TPO: variants seen among roughly 807,000 people sequenced by gnomAD.
TPO encodes the protein thyroid peroxidase, also known as thyroid microsomal antigen.
A neutral mutation model predicts 96.9 loss-of-function variants in TPO; 78 were observed. The ratio of observed to expected loss-of-function variants is 0.81; its 90% CI spans 0.67 to 0.97. The LOEUF (loss-of-function observed/expected upper bound fraction) is 0.97, where lower values mean the gene tolerates loss of function less well. Among genes scored for constraint, TPO ranks in the 50% least tolerant of loss-of-function variants. The probability of loss-of-function intolerance (pLI) is 0.00; values close to 1 mark genes in which losing one functional copy is unlikely to be tolerated. For synonymous variants in TPO, 547 were observed against 538.0 expected, an observed-to-expected ratio of 1.02 and a Z score of -0.23; for missense variants, 1,252 against 1,274.8, an observed-to-expected ratio of 0.98 and a Z score of 0.27.
intron 2 of TPO, among the ~76,000 whole-genome samples, chr2:1,416,096 C>T (rs1488444242): frequency 1.3e-5 from 2 of 152,164 alleles, no homozygotes; most frequent in African/African-American, 4.8e-5. Context: ...GAAAATTACT[C>T]ATCGCAGTCA....
At chr2:1,374,693 A>C (rs1661691389) in intron 1 of TPO, among the ~76,000 whole-genome samples, 1 of 151,562 alleles carries the variant, frequency 6.6e-6, no homozygotes, top group South Asian at 2.1e-4. Flanking sequence ...TGAGCCCTGT[A>C]ATTTATAGAG....
chr2:1,384,608 T>G (rs1372876549), intron 1 of TPO, among the ~76,000 whole-genome samples: 2 of 152,258 alleles, frequency 1.3e-5, no homozygotes, highest in African/African-American at 2.4e-5. Flanking sequence ...AAGGAGATTT[T>G]GGGCTGAGAT....
At chr2:1,533,066 A>G (rs1181571972) in intron 15 of TPO, among the ~76,000 whole-genome samples, 5 of 112,030 alleles carry the variant, frequency 4.5e-5, no homozygotes, top group African/African-American at 1.9e-4. Flanking sequence ...ACCTCCTCAA[A>G]TCCCCCTACT....
intron 3 of TPO, among the ~76,000 whole-genome samples, chr2:1,424,383 A>C (rs1321141465): frequency 6.6e-6 from 1 of 152,124 alleles, no homozygotes; most frequent in Non-Finnish European, 1.5e-5. Context: ...TTGATGCTGG[A>C]GGGGTAGAAG....
rs141616147 is a variant in TPO at position 1,422,592 on chromosome 2, A to C, written c.95-453A>C. On this transcript the variant is annotated intron_variant, in intron 2 of 16. Transcript: ENST00000329066. ...CTTCACGGTGATACCCAGAAATGGG[A>C]TCTTAACCTCTTACACATTCCAGGT... 1.2e-4 allele frequency among the ~76,000 whole-genome samples: 18 copies of C among 152,292 alleles called. No individual in the cohort carries two copies. The East Asian group carries it at 3.5e-3, about 29-fold the overall frequency.
At position 1,490,931 on chromosome 2, in the gene TPO, G is replaced by T. The variant is rs955143576; in HGVS notation, c.1769-2871G>T. On this transcript the variant is annotated intron_variant, in intron 10 of 16. Transcript: ENST00000329066. Reference sequence around the variant, plus strand: ...TCACGCCTGTAATCCCTGCACTTTGGGAGGCCGAGGCGGGCAGATCACGAG... The same window carrying T: ...TCACGCCTGTAATCCCTGCACTTTGTGAGGCCGAGGCGGGCAGATCACGAG... Among the ~76,000 whole-genome samples, 8 of 152,282 alleles carry T rather than the reference G, an allele frequency of 5.3e-5. No individual in the cohort carries two copies. The East Asian group carries it at 1.5e-3, about 29-fold the overall frequency.
intron 14 of TPO, among the ~76,000 whole-genome samples, chr2:1,505,715 C>A (rs1673375446): frequency 6.6e-6 from 1 of 151,718 alleles, no homozygotes; most frequent in Non-Finnish European, 1.5e-5. Context: ...TTGACCCATC[C>A]TCTAAGTTCC....
chr2:1,515,952 G>A (rs114539589), intron 14 of TPO, among the ~76,000 whole-genome samples: 449 of 152,204 alleles, frequency 2.9e-3, no homozygotes, highest in African/African-American at 9.8e-3. Context: ...GTCAGTTTTC[G>A]TTTCATCTTG....
intron 5 of TPO, 112 bp from the exon 6 acceptor site, chr2:1,453,582 C>T: frequency 3.2e-6 from 5 of 1,567,740 alleles, no homozygotes; most frequent in Non-Finnish European, 4.4e-6. Context: ...CCCCTTGGGC[C>T]TCCGGAGAGA....
At chr2:1,440,011 G>A (rs865853906) in intron 5 of TPO, among the ~76,000 whole-genome samples, 8 of 152,154 alleles carry the variant, frequency 5.3e-5, no homozygotes, top group South Asian at 2.1e-4. Context: ...CCGCTTCGGC[G>A]TCCCTCTCAG....
chr2:1,445,571 GGCTCCTTCTTGTTTGT>G, intron 5 of TPO, among the ~76,000 whole-genome samples: 1 of 146,390 alleles, frequency 6.8e-6, no homozygotes, highest in South Asian at 2.3e-4. Context: ...GAATGGGGCA[GGCTCCTTCTTGTTTGT>G]ATGATCCAGT....
At chr2:1,406,152 CT>C (rs1662246395) in intron 1 of TPO, among the ~76,000 whole-genome samples, 1 of 152,194 alleles carries the variant, frequency 6.6e-6, no homozygotes, top group Non-Finnish European at 1.5e-5. Flanking sequence ...AAGTTGGGAG[CT>C]GTTTAGTGAT....
chr2:1,495,893 G>A (rs1170561480), intron 11 of TPO, 96 bp from the exon 12 acceptor site: 2 of 1,387,488 alleles, frequency 1.4e-6, no homozygotes, highest in Non-Finnish European at 2.0e-6. Flanking sequence ...CCGCAGGAGA[G>A]GCTGGCAGCA....
intron 15 of TPO, among the ~76,000 whole-genome samples, chr2:1,534,015 T>C (rs1439023163): frequency 1.8e-5 from 1 of 56,344 alleles, no homozygotes; most frequent in Non-Finnish European, 3.5e-5. Flanking sequence ...TCTCCCCAAA[T>C]CCCCCCCAAT....
intron 15 of TPO, among the ~76,000 whole-genome samples, chr2:1,536,643 C>CCT (rs1422671799): frequency 6.3e-5 from 2 of 31,944 alleles, no homozygotes; most frequent in Non-Finnish European, 1.3e-4. Flanking sequence ...TCCCCAAATC[C>CCT]CCCCCCCCAC....
At chr2:1,395,138 T>A (rs1309649391) in intron 1 of TPO, among the ~76,000 whole-genome samples, 1 of 152,178 alleles carries the variant, frequency 6.6e-6, no homozygotes, top group Non-Finnish European at 1.5e-5. Flanking sequence ...CTTCTCTTTC[T>A]CTAAATCTCC....
At chr2:1,505,361 C>T (rs1673309557) in intron 14 of TPO, among the ~76,000 whole-genome samples, 1 of 148,234 alleles carries the variant, frequency 6.7e-6, no homozygotes, top group East Asian at 2.0e-4. Flanking sequence ...GCACACACCC[C>T]CACCCCCGTG....
At chr2:1,518,054 G>A (rs1308993952) in intron 15 of TPO, among the ~76,000 whole-genome samples, 1 of 152,046 alleles carries the variant, frequency 6.6e-6, no homozygotes, top group Admixed American at 6.5e-5. Flanking sequence ...CTCCTCACTG[G>A]CGGAGCCCCC....
chr2:1,472,849 A>G (rs894661561), intron 7 of TPO, among the ~76,000 whole-genome samples: 185 of 148,510 alleles, frequency 1.2e-3, no homozygotes, highest in Non-Finnish European at 2.2e-3. Flanking sequence ...AAAAAAAAAA[A>G]AAGGAGAGAG....
Sources: gnomAD v4.1 joint callset for allele counts (sites outside exome capture counted in the v4.1 genomes callset) on GRCh38, gnomAD v4.1.1 for gene constraint, MANE v1.5 for transcripts, NCBI Gene and HGNC (gene_info 2026-07-23, HGNC 2026-07-21) for gene names.